Variants in ARHGAP44 observed in about 807,000 individuals in gnomAD.
The protein encoded by ARHGAP44 is Rho GTPase activating protein 44.
A neutral mutation model predicts 106.8 loss-of-function variants in ARHGAP44; 43 were observed. The observed-to-expected ratio is 0.40, with a 90% confidence interval of 0.32 to 0.52. ARHGAP44 has a LOEUF of 0.52. Among genes scored for constraint, ARHGAP44 ranks in the 20% least tolerant of loss-of-function variants. ARHGAP44 has a pLI of 0.48. For missense variants in ARHGAP44, 866 were observed against 1,050.5 expected, an observed-to-expected ratio of 0.82 and a Z score of 2.43; for synonymous variants, 439 against 410.3, an observed-to-expected ratio of 1.07 and a Z score of -0.85.
intron 1 of ARHGAP44, among the ~76,000 whole-genome samples, chr17:12,858,457 C>T (rs2035974682): frequency 6.6e-6 from 1 of 152,222 alleles, no homozygotes; most frequent in African/African-American, 2.4e-5. Flanking sequence ...TGAGGTCAGA[C>T]TAAATCAACC....
chr17:12,967,767 A>T (rs55866001), intron 16 of ARHGAP44, among the ~76,000 whole-genome samples: 15,607 of 152,036 alleles, frequency 0.1, 902 homozygotes, highest in South Asian at 0.2. Context: ...CTCTCCCTGT[A>T]TGGTCTACCA....
chr17:12,991,462 TGA>T lies in ARHGAP44; in HGVS notation c.*1295_*1296del, dbSNP rs1264480131. On this transcript the variant is annotated 3_prime_UTR_variant, in exon 21 of 21. Coordinates refer to ENST00000379672, the MANE Select transcript of ARHGAP44 (RefSeq NM_014859.6). ...AACACAGTGTAAAGTCACCCTCCTCTGAGAGTGGGATGTGCAGAGTTTTGATG... is the reference window on the plus strand; with the variant it reads ...AACACAGTGTAAAGTCACCCTCCTCTGAGTGGGATGTGCAGAGTTTTGATG... The T allele has an allele frequency of 5.9e-6, 1 of 170,724 alleles. No homozygotes were observed. Among genetic ancestry groups the T allele is most frequent in the Non-Finnish European group, 1.3e-5 (1 of 78,390 alleles). 10.6% of individuals were successfully genotyped at this position (170,724 alleles called of 1,614,324 possible).
intron 4 of ARHGAP44, among the ~76,000 whole-genome samples, chr17:12,912,225 A>T (rs540095650): frequency 3.3e-5 from 5 of 152,334 alleles, no homozygotes; most frequent in Non-Finnish European, 5.9e-5. Context: ...GAAAAACAGG[A>T]TGTTAATACA....
In ARHGAP44 at chr17:12,991,296, A is replaced by T. The variant is rs1055865598; in HGVS notation, c.*1125A>T. 1 of 152,708 alleles carries T rather than the reference A, an allele frequency of 6.5e-6. No individual in the cohort carries two copies. The highest frequency in any genetic ancestry group is 1.5e-5 in the Non-Finnish European group (1 of 68,066). The allele number at this position is 152,708 out of a possible 1,614,324, so 9.5% of individuals were successfully genotyped here. On this transcript the variant is annotated 3_prime_UTR_variant, in exon 21 of 21. Coordinates refer to ENST00000379672, the MANE Select transcript of ARHGAP44 (RefSeq NM_014859.6). ...CAAAGTTTAAAATTTTATCCTTTTC[A>T]AATAGATGATATAATATACCTATAC...
chr17:12,805,461 G>T (rs1330922812), intron 1 of ARHGAP44, among the ~76,000 whole-genome samples: 1 of 152,130 alleles, frequency 6.6e-6, no homozygotes, highest in African/African-American at 2.4e-5. Context: ...TGCTAAATAT[G>T]TGTCTGTTGG....
At chr17:12,989,278 A>ATT (rs58920583) in intron 20 of ARHGAP44, among the ~76,000 whole-genome samples, 1 of 151,590 alleles carries the variant, frequency 6.6e-6, no homozygotes, top group East Asian at 2.0e-4. Context: ...CAGCAAGGGG[A>ATT]TTTTTTTTAA....
intron 1 of ARHGAP44, among the ~76,000 whole-genome samples, chr17:12,868,153 G>A (rs1029993578): frequency 6.6e-6 from 1 of 152,156 alleles, no homozygotes; most frequent in African/African-American, 2.4e-5. Context: ...AGGTGTCGGA[G>A]GGTCGTTTTC....
intron 1 of ARHGAP44, among the ~76,000 whole-genome samples, chr17:12,801,601 G>T (rs1397492020): frequency 6.6e-6 from 1 of 152,128 alleles, no homozygotes; most frequent in Non-Finnish European, 1.5e-5. Context: ...GTAAATTCTG[G>T]TACATTTGCA....
chr17:12,890,681 T>C (rs9895495), intron 1 of ARHGAP44, among the ~76,000 whole-genome samples: 30,969 of 152,146 alleles, frequency 0.2, 4,002 homozygotes, highest in East Asian at 0.44. Flanking sequence ...ATGCTAAGCC[T>C]TTTCTCAAAG....
At chr17:12,964,945 G>A (rs1218790045) in intron 16 of ARHGAP44, among the ~76,000 whole-genome samples, 1 of 151,968 alleles carries the variant, frequency 6.6e-6, no homozygotes, top group Non-Finnish European at 1.5e-5. Context: ...GTAGACCACT[G>A]CCCACTCCCT....
intron 16 of ARHGAP44, among the ~76,000 whole-genome samples, chr17:12,961,153 G>A (rs376989550): frequency 4.6e-5 from 7 of 152,042 alleles, no homozygotes; most frequent in African/African-American, 7.2e-5. Flanking sequence ...CCTCCTGGGC[G>A]CACTCCAAAT....
intron 3 of ARHGAP44, among the ~76,000 whole-genome samples, chr17:12,897,534 T>C (rs1429851281): frequency 6.6e-6 from 1 of 150,870 alleles, no homozygotes; most frequent in Non-Finnish European, 1.5e-5. Flanking sequence ...CTCTGAAAAA[T>C]ATCTATAGAA....
chr17:12,945,010 A>T (rs9915944), intron 10 of ARHGAP44, among the ~76,000 whole-genome samples: 49,892 of 151,502 alleles, frequency 0.33, 8,415 homozygotes, highest in African/African-American at 0.4. Context: ...GTCTATGAGA[A>T]ATTTTTTTTT....
Position 12,991,546 on chromosome 17 carries a change from G to C in ARHGAP44, c.*1375G>C, listed in dbSNP as rs1173530138. 1 of 176,612 alleles carries C rather than the reference G, an allele frequency of 5.7e-6. No individual in the cohort carries two copies. The highest frequency in any genetic ancestry group is 1.2e-5 in the Non-Finnish European group (1 of 81,804). The allele number at this position is 176,612 out of a possible 1,614,324, so 10.9% of individuals were successfully genotyped here. A position where few individuals can be genotyped will look rare whatever the true frequency, so the allele number is the denominator to read the frequency against. On this transcript the variant is annotated 3_prime_UTR_variant, in exon 21 of 21. Transcript: ENST00000379672. ...GGTCATGCCTCAATTTGTAATGGGA[G>C]TCTGGGGTAAGGGTGGGGGTTGAAA...
chr17:12,972,349 TA>T (rs1244154168), intron 16 of ARHGAP44, among the ~76,000 whole-genome samples: 8 of 152,114 alleles, frequency 5.3e-5, no homozygotes, highest in African/African-American at 1.9e-4. Flanking sequence ...CTATGTAACT[TA>T]GAAGTCAGTG....
chr17:12,802,949 ATATATATATATATATATATAT>A (rs1567621245), intron 1 of ARHGAP44, among the ~76,000 whole-genome samples: 1 of 17,218 alleles, frequency 5.8e-5, no homozygotes. Context: ...ATATATATAT[ATATATATATATATATATATAT>A]TTTTTTTTTT....
At chr17:12,926,808 AAC>A (rs2038260701) in intron 6 of ARHGAP44, among the ~76,000 whole-genome samples, 1 of 152,016 alleles carries the variant, frequency 6.6e-6, no homozygotes, top group South Asian at 2.1e-4. Flanking sequence ...ATATATTTTA[AAC>A]ACTTTCATAT....
chr17:12,966,218 CT>C (rs1383531742), intron 16 of ARHGAP44, among the ~76,000 whole-genome samples: 2 of 151,408 alleles, frequency 1.3e-5, no homozygotes, highest in Admixed American at 1.3e-4. Flanking sequence ...AGTAATTTTA[CT>C]TCAGAGCTTG....
chr17:12,989,101 CAAAAAAAAAA>C (rs71144942), intron 20 of ARHGAP44, among the ~76,000 whole-genome samples: 4 of 45,164 alleles, frequency 8.9e-5, no homozygotes, highest in South Asian at 1.3e-3. Flanking sequence ...CCACCCCCCC[CAAAAAAAAAA>C]AAAAAAAAAA....
Sources: allele counts gnomAD v4.1 joint callset (sites outside exome capture counted in the v4.1 genomes callset), GRCh38; gene constraint gnomAD v4.1.1; transcripts MANE v1.5; gene names NCBI Gene and HGNC (gene_info 2026-07-23, HGNC 2026-07-21).